The following SYNDIG1 variants were observed in gnomAD, a reference collection of about 807,000 sequenced individuals.
SYNDIG1 encodes synapse differentiation-inducing gene protein 1.
In SYNDIG1, 9 loss-of-function variants were observed where a neutral mutation model predicts 19.4. That is an observed-to-expected ratio of 0.46 (90% CI 0.28 to 0.81). The LOEUF is 0.81. SYNDIG1 is among the 30% of genes least tolerant of loss of function. The probability of loss-of-function intolerance (pLI) is 0.12; values close to 1 mark genes in which losing one functional copy is unlikely to be tolerated. For missense variants in SYNDIG1, 311 were observed against 343.3 expected (o/e 0.91, Z 0.74); for synonymous variants, 141 against 145.9 (o/e 0.97, Z 0.24).
intron 2 of SYNDIG1, 104 bp from the exon 3 acceptor site, chr20:24,584,752 G>A: frequency 6.6e-7 from 1 of 1,520,310 alleles, no homozygotes; most frequent in Middle Eastern, 1.8e-4. Flanking sequence ...GCCTCCCGGG[G>A]AGGGCCTGCG....
At chr20:24,602,301 A>G (rs909863291) in intron 3 of SYNDIG1, among the ~76,000 whole-genome samples, 2 of 152,194 alleles carry the variant, frequency 1.3e-5, no homozygotes, top group Non-Finnish European at 2.9e-5. Context: ...AGATGATGCC[A>G]CCTTTCTTCA....
intron 2 of SYNDIG1, among the ~76,000 whole-genome samples, chr20:24,553,562 TAGGAAA>T (rs2057750753): frequency 6.6e-6 from 1 of 152,256 alleles, no homozygotes; most frequent in Admixed American, 6.5e-5. Flanking sequence ...AGTTATTAAA[TAGGAAA>T]TCCTTCCCCA....
chr20:24,571,295 C>T (rs982988516), intron 2 of SYNDIG1, among the ~76,000 whole-genome samples: 17 of 152,264 alleles, frequency 1.1e-4, no homozygotes, highest in African/African-American at 4.1e-4. Flanking sequence ...CGATTAAGGT[C>T]TGTGGTTTAG....
intron 2 of SYNDIG1, among the ~76,000 whole-genome samples, chr20:24,570,179 G>A (rs1006738944): frequency 7.9e-5 from 12 of 152,180 alleles, no homozygotes; most frequent in African/African-American, 1.7e-4. Flanking sequence ...ACATTTAAAC[G>A]TAAAGTGCTT....
chr20:24,627,073 A>AGGGAGAGGGAGACCGTG, intron 3 of SYNDIG1, among the ~76,000 whole-genome samples: 2 of 137,892 alleles, frequency 1.5e-5, no homozygotes, highest in African/African-American at 5.4e-5. Flanking sequence ...GTGGAAAGAG[A>AGGGAGAGGGAGACCGTG]GGGAGAGGGA....
chr20:24,645,609 C>G (rs919490921), intron 3 of SYNDIG1, among the ~76,000 whole-genome samples: 1 of 152,222 alleles, frequency 6.6e-6, no homozygotes, highest in Admixed American at 6.5e-5. Context: ...TTTGAGCCCT[C>G]TGGGCGAATC....
chr20:24,631,760 G>A (rs2059247646), intron 3 of SYNDIG1, among the ~76,000 whole-genome samples: 2 of 152,124 alleles, frequency 1.3e-5, no homozygotes, highest in Non-Finnish European at 2.9e-5. Flanking sequence ...ACACATATAT[G>A]CATATATAAT....
intron 2 of SYNDIG1, among the ~76,000 whole-genome samples, chr20:24,568,421 A>G (rs2058089354): frequency 6.6e-6 from 1 of 152,124 alleles, no homozygotes; most frequent in Non-Finnish European, 1.5e-5. Flanking sequence ...GAGAGGTGTG[A>G]GAATATCAGA....
intron 3 of SYNDIG1, among the ~76,000 whole-genome samples, chr20:24,598,377 G>GTTA (rs2058628428): frequency 6.6e-6 from 1 of 152,252 alleles, no homozygotes; most frequent in African/African-American, 2.4e-5. Context: ...GGTCTGTGCT[G>GTTA]TTTTAAAAGC....
intron 2 of SYNDIG1, among the ~76,000 whole-genome samples, chr20:24,565,780 C>T (rs2058033823): frequency 6.6e-6 from 1 of 152,174 alleles, no homozygotes; most frequent in African/African-American, 2.4e-5. Flanking sequence ...AGCCCTGAGT[C>T]TCAGCCCCTT....
At chr20:24,567,431 G>A (rs547581577) in intron 2 of SYNDIG1, among the ~76,000 whole-genome samples, 2 of 152,276 alleles carry the variant, frequency 1.3e-5, no homozygotes, top group South Asian at 4.1e-4. Flanking sequence ...TTCCTGCCCA[G>A]GGGAGCCCTC....
At chr20:24,659,138 G>A (rs951197646) in intron 3 of SYNDIG1, among the ~76,000 whole-genome samples, 8 of 152,194 alleles carry the variant, frequency 5.3e-5, no homozygotes, top group Admixed American at 6.5e-5. Context: ...CCTGTGCCCT[G>A]TTGAGCCCAC....
At chr20:24,572,529 G>A (rs886427035) in intron 2 of SYNDIG1, among the ~76,000 whole-genome samples, 8 of 152,218 alleles carry the variant, frequency 5.3e-5, no homozygotes, top group Admixed American at 1.3e-4. Flanking sequence ...GGAGCGACTG[G>A]TCAGGTGGGA....
chr20:24,588,026 T>C (rs1159666617), intron 3 of SYNDIG1, among the ~76,000 whole-genome samples: 1 of 152,246 alleles, frequency 6.6e-6, no homozygotes, highest in African/African-American at 2.4e-5. Context: ...AAATGAGGGA[T>C]GCCATCTCTA....
At chr20:24,511,168 G>A (rs1021394104) in intron 1 of SYNDIG1, among the ~76,000 whole-genome samples, 1 of 152,118 alleles carries the variant, frequency 6.6e-6, no homozygotes, top group Admixed American at 6.6e-5. Context: ...CTCAGGGCAG[G>A]CCATTTCTTG....
chr20:24,593,585 C>T (rs1465491598), intron 3 of SYNDIG1, among the ~76,000 whole-genome samples: 1 of 152,152 alleles, frequency 6.6e-6, no homozygotes, highest in African/African-American at 2.4e-5. Context: ...AATGGTAATT[C>T]TCTTTTAAGT....
chr20:24,650,506 A>C (rs2059459705), intron 3 of SYNDIG1, among the ~76,000 whole-genome samples: 1 of 152,236 alleles, frequency 6.6e-6, no homozygotes, highest in African/African-American at 2.4e-5. Flanking sequence ...GGTTTGCAGA[A>C]ACATTTCCAT....
chr20:24,599,049 G>C (rs1258358895), intron 3 of SYNDIG1, among the ~76,000 whole-genome samples: 1 of 152,148 alleles, frequency 6.6e-6, no homozygotes, highest in African/African-American at 2.4e-5. Context: ...AGAGTAAAGA[G>C]ACAACTTGCA....
intron 1 of SYNDIG1, among the ~76,000 whole-genome samples, chr20:24,479,393 A>G (rs2055731315): frequency 6.6e-6 from 1 of 152,124 alleles, no homozygotes; most frequent in Admixed American, 6.5e-5. Flanking sequence ...TATGTGCACA[A>G]CTGGCTGCCC....
Sources: allele counts gnomAD v4.1 joint callset (sites outside exome capture counted in the v4.1 genomes callset), GRCh38; gene constraint gnomAD v4.1.1; transcripts MANE v1.5; gene names NCBI Gene and HGNC (gene_info 2026-07-23, HGNC 2026-07-21).